GLCCI1: variants seen among roughly 807,000 people sequenced by gnomAD.
The protein encoded by GLCCI1 is glucocorticoid induced 1, also known as glucocorticoid-induced transcript 1 protein.
A neutral mutation model predicts 52.2 loss-of-function variants in GLCCI1; 24 were observed. The ratio of observed to expected loss-of-function variants is 0.46; its 90% CI spans 0.33 to 0.65. The LOEUF (loss-of-function observed/expected upper bound fraction) is 0.65, where lower values mean the gene tolerates loss of function less well. Ranked by LOEUF, GLCCI1 falls within the 30% of genes least tolerant of loss-of-function variation. GLCCI1 has a pLI of 0.02. For missense variants in GLCCI1, 704 were observed against 701.5 expected (o/e 1.00, Z -0.04); for synonymous variants, 310 against 276.5 (o/e 1.12, Z -1.20).
At chr7:8,008,980 T>C (rs931303393) in intron 2 of GLCCI1, among the ~76,000 whole-genome samples, 1 of 152,198 alleles carries the variant, frequency 6.6e-6, no homozygotes, top group Non-Finnish European at 1.5e-5. Flanking sequence ...TTAACTGCTT[T>C]GTGACCCAGT....
chr7:8,063,581 G>A (rs1004224974), intron 5 of GLCCI1, among the ~76,000 whole-genome samples: 15 of 147,568 alleles, frequency 1.0e-4, no homozygotes, highest in Admixed American at 2.7e-4. Context: ...TTTGAAAAGT[G>A]TCTGTGCGTG....
chr7:8,028,671 A>G (rs1436723229), intron 3 of GLCCI1, among the ~76,000 whole-genome samples: 1 of 152,160 alleles, frequency 6.6e-6, no homozygotes, highest in Non-Finnish European at 1.5e-5. Context: ...GACTGAAATT[A>G]AAAGTTAGTT....
At chr7:8,011,063 G>A (rs1332791200) in intron 2 of GLCCI1, among the ~76,000 whole-genome samples, 1 of 151,862 alleles carries the variant, frequency 6.6e-6, no homozygotes, top group Non-Finnish European at 1.5e-5. Context: ...AGGTTGCAGT[G>A]AGCCGAGATC....
rs146077812 is a variant in GLCCI1 at position 8,024,538 on chromosome 7, C to T, written c.696+1969C>T. ...AGTAACGCCAGATATTAATTTGAATCCGTAGGAAGAATTGAAGAGTGCTGG... is the reference window on the plus strand; with the variant it reads ...AGTAACGCCAGATATTAATTTGAATTCGTAGGAAGAATTGAAGAGTGCTGG... On this transcript the variant is annotated intron_variant, in intron 3 of 7. Coordinates refer to ENST00000223145, the MANE Select transcript of GLCCI1 (RefSeq NM_138426.4). 1.5e-3 allele frequency among the ~76,000 whole-genome samples: 228 copies of T among 152,248 alleles called. 2 individuals carry two copies. The highest frequency in any genetic ancestry group is 3.4e-3 in the Middle Eastern group (1 of 294).
intron 5 of GLCCI1, among the ~76,000 whole-genome samples, chr7:8,069,912 T>C (rs1209060690): frequency 1.3e-5 from 2 of 152,250 alleles, no homozygotes; most frequent in Non-Finnish European, 2.9e-5. Context: ...TATTGGTTCT[T>C]TTCCCTAGCA....
intron 3 of GLCCI1, among the ~76,000 whole-genome samples, chr7:8,043,708 G>A (rs575843028): frequency 1.0e-3 from 157 of 152,140 alleles, no homozygotes; most frequent in African/African-American, 3.7e-3. Context: ...TAAAATGGAT[G>A]AAGTTAATGG....
At chr7:7,997,396 T>A (rs926773290) in intron 1 of GLCCI1, among the ~76,000 whole-genome samples, 42 of 152,140 alleles carry the variant, frequency 2.8e-4, no homozygotes, top group Non-Finnish European at 8.8e-5. Flanking sequence ...AGTGAACCAA[T>A]AGCAGGAAAA....
At chr7:8,036,413 C>T (rs1276242240) in intron 3 of GLCCI1, among the ~76,000 whole-genome samples, 1 of 152,024 alleles carries the variant, frequency 6.6e-6, no homozygotes, top group Admixed American at 6.6e-5. Flanking sequence ...AAATCATGTC[C>T]AAACAAAAGT....
intron 3 of GLCCI1, among the ~76,000 whole-genome samples, chr7:8,037,226 G>C (rs905117879): frequency 6.6e-6 from 1 of 152,162 alleles, no homozygotes; most frequent in Admixed American, 6.5e-5. Flanking sequence ...AGAAGAGGTT[G>C]GGTGCCTAAT....
chr7:8,064,836 C>A (rs1471078288), intron 5 of GLCCI1, among the ~76,000 whole-genome samples: 1 of 152,014 alleles, frequency 6.6e-6, no homozygotes. Flanking sequence ...GCCTCCCGAG[C>A]AGCTGGCACT....
chr7:7,971,952 A>G (rs1780361935), intron 1 of GLCCI1, among the ~76,000 whole-genome samples: 1 of 152,036 alleles, frequency 6.6e-6, no homozygotes, highest in Non-Finnish European at 1.5e-5. Context: ...CATTGCAGTG[A>G]TTTTTGAATG....
intron 3 of GLCCI1, among the ~76,000 whole-genome samples, chr7:8,043,875 G>C (rs1331756154): frequency 6.6e-6 from 1 of 151,844 alleles, no homozygotes; most frequent in Admixed American, 6.6e-5. Context: ...AGGAAGAATA[G>C]TTGTAATAGA....
intron 5 of GLCCI1, among the ~76,000 whole-genome samples, chr7:8,068,857 A>G (rs1220819745): frequency 6.6e-6 from 1 of 152,220 alleles, no homozygotes; most frequent in Non-Finnish European, 1.5e-5. Flanking sequence ...TTTTATTTGT[A>G]GCTGACTTAT....
chr7:8,013,167 T>C (rs1173460974), intron 2 of GLCCI1, among the ~76,000 whole-genome samples: 1 of 152,224 alleles, frequency 6.6e-6, no homozygotes, highest in Non-Finnish European at 1.5e-5. Context: ...TTGGGAAAGA[T>C]TTTTTCCACT....
At chr7:8,071,539 G>A (rs901418847) in intron 6 of GLCCI1, among the ~76,000 whole-genome samples, 7 of 152,102 alleles carry the variant, frequency 4.6e-5, no homozygotes, top group African/African-American at 1.4e-4. Flanking sequence ...AAATTCTGTT[G>A]GAAAAAGTGA....
chr7:7,976,491 AAAAAAAAGGAAAGG>A (rs1780472797), intron 1 of GLCCI1, among the ~76,000 whole-genome samples: 2 of 145,954 alleles, frequency 1.4e-5, no homozygotes, highest in Admixed American at 6.8e-5. Flanking sequence ...AAAAAAAAAA[AAAAAAAAGGAAAGG>A]AAAAAGGAAA....
intron 6 of GLCCI1, among the ~76,000 whole-genome samples, chr7:8,078,090 C>T (rs1260941376): frequency 6.0e-5 from 9 of 151,204 alleles, no homozygotes; most frequent in East Asian, 2.0e-4. Context: ...AAAAATGAGC[C>T]GGGCGTGGTG....
intron 3 of GLCCI1, among the ~76,000 whole-genome samples, chr7:8,022,877 G>A (rs1399212982): frequency 1.3e-5 from 2 of 152,154 alleles, no homozygotes; most frequent in Non-Finnish European, 2.9e-5. Context: ...CCAGAGTGAA[G>A]TCTAATTTTA....
intron 1 of GLCCI1, among the ~76,000 whole-genome samples, chr7:7,997,657 G>T (rs1160987665): frequency 6.6e-6 from 1 of 152,062 alleles, no homozygotes; most frequent in Non-Finnish European, 1.5e-5. Flanking sequence ...GCTGGGCATG[G>T]TGGCTCACAC....
Sources: allele counts gnomAD v4.1 joint callset (sites outside exome capture counted in the v4.1 genomes callset), GRCh38; gene constraint gnomAD v4.1.1; transcripts MANE v1.5; gene names NCBI Gene and HGNC (gene_info 2026-07-23, HGNC 2026-07-21).